PPP1R17: variants seen among roughly 807,000 people sequenced by gnomAD.
The protein encoded by PPP1R17 is G-substrate.
In PPP1R17, 12 loss-of-function variants were observed where a neutral mutation model predicts 15.9. The ratio of observed to expected loss-of-function variants is 0.75; its 90% CI spans 0.48 to 1.22. The LOEUF (loss-of-function observed/expected upper bound fraction) is 1.22. Among genes scored for constraint, PPP1R17 ranks in the 50% most tolerant of loss-of-function variants. PPP1R17 has a pLI of 0.00. For missense variants in PPP1R17, 211 were observed against 187.3 expected, an observed-to-expected ratio of 1.13 and a Z score of -0.74; for synonymous variants, 63 against 64.5, an observed-to-expected ratio of 0.98 and a Z score of 0.11.
intron 4 of PPP1R17, among the ~76,000 whole-genome samples, chr7:31,705,840 C>T (rs974151239): frequency 2.0e-5 from 3 of 151,908 alleles, no homozygotes; most frequent in African/African-American, 7.3e-5. Context: ...GGCCTTCCAT[C>T]GCAGCTTCCT....
At chr7:31,704,115 T>C (rs929981625) in intron 4 of PPP1R17, among the ~76,000 whole-genome samples, 4 of 152,118 alleles carry the variant, frequency 2.6e-5, no homozygotes, top group East Asian at 1.9e-4. Context: ...TCCTGGAAAA[T>C]TGTCCATGAG....
chr7:31,695,647 C>T, intron 3 of PPP1R17, 26 bp downstream of exon 3: 2 of 1,584,772 alleles, frequency 1.3e-6, no homozygotes, highest in African/African-American at 1.4e-5. Context: ...ATCTGCACAG[C>T]TGTAAAGGAG....
At chr7:31,697,162 G>C (rs772072251) in intron 4 of PPP1R17, 45 bp downstream of exon 4, 6 of 1,599,582 alleles carry the variant, frequency 3.8e-6, no homozygotes, top group Non-Finnish European at 5.1e-6. Context: ...GATGGGGACA[G>C]GTCAAGAACC....
Position 31,707,572 on chromosome 7 carries a change from G to C in PPP1R17, c.*289G>C. ...GTAACAGGGAAAGCACTGGGGTTCG[G>C]TTTCTGCATCTTCTGGATCAATTCA... is the stretch of plus-strand genomic sequence containing the variant. On this transcript the variant is annotated 3_prime_UTR_variant, in exon 5 of 5. Coordinates refer to ENST00000342032, the MANE Select transcript of PPP1R17 (RefSeq NM_006658.5). 1 of 333,286 alleles carries C rather than the reference G, an allele frequency of 3.0e-6. No individual in the cohort carries two copies. Among genetic ancestry groups the C allele is most frequent in the Non-Finnish European group, 5.5e-6 (1 of 182,268 alleles). The allele number at this position is 333,286 out of a possible 1,614,324, so 20.6% of individuals were successfully genotyped here.
intron 1 of PPP1R17, among the ~76,000 whole-genome samples, chr7:31,691,824 C>CAAAAAAAAAAAA (rs1792364620): frequency 4.5e-5 from 4 of 89,584 alleles, no homozygotes; most frequent in African/African-American, 1.4e-4. Context: ...AAAAAAAAAC[C>CAAAAAAAAAAAA]AAGCAAAAAA....
intron 4 of PPP1R17, among the ~76,000 whole-genome samples, chr7:31,703,434 G>A (rs1792936291): frequency 6.6e-6 from 1 of 152,204 alleles, no homozygotes; most frequent in South Asian, 2.1e-4. Flanking sequence ...GCGTAAACAA[G>A]AGTTGGGGTG....
chr7:31,693,841 G>C (rs1792458193), intron 2 of PPP1R17, among the ~76,000 whole-genome samples: 1 of 152,206 alleles, frequency 6.6e-6, no homozygotes, highest in African/African-American at 2.4e-5. Flanking sequence ...AGAAGGAAAT[G>C]AAAGGGAAGG....
chr7:31,697,144 CAGG>C, intron 4 of PPP1R17, 27 bp downstream of exon 4: 1 of 1,611,700 alleles, frequency 6.2e-7, no homozygotes, highest in Non-Finnish European at 8.5e-7. Flanking sequence ...AGGGCATTTG[CAGG>C]GGGTGATGGG....
chr7:31,703,426 G>A (rs571368499), intron 4 of PPP1R17, among the ~76,000 whole-genome samples: 6 of 152,248 alleles, frequency 3.9e-5, no homozygotes, highest in East Asian at 1.9e-4. Flanking sequence ...ACAACACAGC[G>A]TAAACAAGAG....
At chr7:31,694,271 T>G (rs1792475775) in intron 2 of PPP1R17, among the ~76,000 whole-genome samples, 1 of 152,072 alleles carries the variant, frequency 6.6e-6, no homozygotes, top group Non-Finnish European at 1.5e-5. Context: ...CTAAGTTTAG[T>G]GGAAGGTTAG....
chr7:31,701,767 A>G (rs1403690111), intron 4 of PPP1R17, among the ~76,000 whole-genome samples: 1 of 152,240 alleles, frequency 6.6e-6, no homozygotes, highest in East Asian at 1.9e-4. Context: ...AAGCCTCTCT[A>G]AGACTCAGTG....
chr7:31,705,249 G>C (rs1405053024), intron 4 of PPP1R17, among the ~76,000 whole-genome samples: 1 of 152,022 alleles, frequency 6.6e-6, no homozygotes, highest in Non-Finnish European at 1.5e-5. Flanking sequence ...AAGTTTCCAG[G>C]GTACCAAAAG....
At chr7:31,692,952 T>C (rs2128239301) in intron 2 of PPP1R17, among the ~76,000 whole-genome samples, 1 of 152,338 alleles carries the variant, frequency 6.6e-6, no homozygotes, top group African/African-American at 2.4e-5. Flanking sequence ...TTAAATAGCC[T>C]TTTTCTGCTT....
rs140421232 is a variant in PPP1R17 at position 31,687,839 on chromosome 7, A to G, written c.-37+533A>G. 7.7e-3 allele frequency among the ~76,000 whole-genome samples: 1,170 copies of G among 152,320 alleles called. 7 individuals are homozygous for G. The highest frequency in any genetic ancestry group is 0.013 in the Non-Finnish European group (865 of 68,026). On this transcript the variant is annotated intron_variant, in intron 1 of 4. Transcript: ENST00000342032. ...AGATACCACATAGGCTGTGGATACA[A>G]CCTTCTACCCTTTTATTCCATCCAG...
rs1373589849 is a variant in PPP1R17, at chr7:31,707,214, G to A, written c.399G>A (p.Leu133=). 1.9e-6 allele frequency: 3 copies of A among 1,613,860 alleles called. No homozygotes were observed. The highest frequency in any genetic ancestry group is 2.5e-6 in the Non-Finnish European group (3 of 1,179,834). Residue 133 remains leucine (L), a synonymous_variant, in exon 5 of 5, where the codon TTG becomes TTA. Transcript: ENST00000342032. ...HMSPFAAGVT[L]LRDERPKAIV... is the part of the protein sequence containing the mutation. The stretch of plus-strand genomic sequence containing the variant: ...TGCTTTGTTTTGCAGGTGTGACATT[G>A]CTCAGGGACGAGAGACCCAAAGCAA...
At chr7:31,697,449 G>A (rs975371235) in intron 4 of PPP1R17, among the ~76,000 whole-genome samples, 4 of 152,146 alleles carry the variant, frequency 2.6e-5, no homozygotes, top group African/African-American at 4.8e-5. Flanking sequence ...CGGATTTTGC[G>A]TCTTATGGCT....
At chr7:31,702,519 C>T (rs1221063126) in intron 4 of PPP1R17, among the ~76,000 whole-genome samples, 1 of 152,182 alleles carries the variant, frequency 6.6e-6, no homozygotes, top group Non-Finnish European at 1.5e-5. Context: ...AGCTCGAAGC[C>T]TCTGCTATCA....
At chr7:31,693,138 C>G (rs530223938) in intron 2 of PPP1R17, among the ~76,000 whole-genome samples, 10 of 152,208 alleles carry the variant, frequency 6.6e-5, no homozygotes, top group African/African-American at 2.2e-4. Context: ...ATGACTCCCC[C>G]CTCCTCTCCC....
chr7:31,697,774 T>C (rs1270202576), intron 4 of PPP1R17, among the ~76,000 whole-genome samples: 1 of 152,222 alleles, frequency 6.6e-6, no homozygotes, highest in Non-Finnish European at 1.5e-5. Flanking sequence ...GTTTTTGAGA[T>C]CCTACTAAAT....
Sources: gnomAD v4.1 joint callset for allele counts (sites outside exome capture counted in the v4.1 genomes callset) on GRCh38, gnomAD v4.1.1 for gene constraint, MANE v1.5 for transcripts, NCBI Gene and HGNC (gene_info 2026-07-23, HGNC 2026-07-21) for gene names.